Variants in CTNNA2 observed in about 807,000 individuals in gnomAD.
The protein encoded by CTNNA2 is catenin alpha-2.
A neutral mutation model predicts 101.0 loss-of-function variants in CTNNA2; 42 were observed. That is an observed-to-expected ratio of 0.42 (90% CI 0.32 to 0.54). CTNNA2 has a LOEUF of 0.54. Among genes scored for constraint, CTNNA2 ranks in the 20% least tolerant of loss-of-function variants. CTNNA2 has a pLI of 0.14. For synonymous variants in CTNNA2, 450 were observed against 456.4 expected, an observed-to-expected ratio of 0.99 and a Z score of 0.18; for missense variants, 871 against 1,223.1, an observed-to-expected ratio of 0.71 and a Z score of 4.29.
intron 3 of CTNNA2, among the ~76,000 whole-genome samples, chr2:79,795,720 C>G (rs1675644809): frequency 1.3e-5 from 2 of 152,010 alleles, no homozygotes; most frequent in South Asian, 2.1e-4. Flanking sequence ...GATGTGAGTG[C>G]TGCGATATTT....
chr2:79,220,294 A>C (rs1674325980), intron 2 of CTNNA2, among the ~76,000 whole-genome samples: 1 of 152,172 alleles, frequency 6.6e-6, no homozygotes, highest in Admixed American at 6.6e-5. Flanking sequence ...GTTTGGAACT[A>C]ATTAAGAGAT....
intron 3 of CTNNA2, among the ~76,000 whole-genome samples, chr2:79,373,257 T>C (rs188310478): frequency 2.0e-4 from 30 of 152,280 alleles, no homozygotes; most frequent in African/African-American, 7.0e-4. Flanking sequence ...ATATATCAGG[T>C]TGATTTATTA....
intron 4 of CTNNA2, among the ~76,000 whole-genome samples, chr2:79,398,149 G>A (rs1678252160): frequency 6.6e-6 from 1 of 152,068 alleles, no homozygotes; most frequent in South Asian, 2.1e-4. Flanking sequence ...AAAGAGGTGG[G>A]GAAGAGTAAA....
chr2:79,959,025 C>T (rs1440795256), intron 7 of CTNNA2, among the ~76,000 whole-genome samples: 3 of 151,724 alleles, frequency 2.0e-5, no homozygotes, highest in African/African-American at 4.8e-5. Context: ...CATTTGTAAC[C>T]GTATCTTACT....
chr2:79,299,201 T>C (rs1413707137), intron 2 of CTNNA2, among the ~76,000 whole-genome samples: 1 of 152,148 alleles, frequency 6.6e-6, no homozygotes, highest in East Asian at 1.9e-4. Context: ...CAGGGTGTGA[T>C]GGCCTGTCCT....
chr2:79,420,218 A>G (rs755935892), intron 4 of CTNNA2, among the ~76,000 whole-genome samples: 38 of 152,132 alleles, frequency 2.5e-4, no homozygotes, highest in Non-Finnish European at 2.9e-4. Flanking sequence ...AGCAACATCT[A>G]CTATATTTAC....
At chr2:80,271,651 T>A (rs867942647) in intron 7 of CTNNA2, among the ~76,000 whole-genome samples, 2 of 152,140 alleles carry the variant, frequency 1.3e-5, no homozygotes, top group Non-Finnish European at 2.9e-5. Context: ...CTCGATCTCC[T>A]GACCTCGTGA....
At chr2:80,009,295 G>A (rs1693599167) in intron 7 of CTNNA2, among the ~76,000 whole-genome samples, 1 of 152,174 alleles carries the variant, frequency 6.6e-6, no homozygotes, top group South Asian at 2.1e-4. Flanking sequence ...GAGAACTGCA[G>A]CCTTCTGTTT....
rs140684826 is a variant in CTNNA2, at chr2:79,314,581, A to G, written c.-318+1785A>G. On this transcript the variant is annotated intron_variant, in intron 3 of 21. Coordinates refer to the CTNNA2 transcript ENST00000466387. ...CAATGAATGGCTCCAGGTCTAGAAT[A>G]ATTTTAGGCATCTTTCCTCTCAGGG... is the stretch of plus-strand genomic sequence containing the variant. 1.1e-4 allele frequency among the ~76,000 whole-genome samples: 17 copies of G among 152,350 alleles called. 1 individual carries two copies. The East Asian group carries it at 2.9e-3, about 26-fold the overall frequency.
At chr2:79,902,221 G>T (rs996423553) in intron 6 of CTNNA2, among the ~76,000 whole-genome samples, 2 of 152,130 alleles carry the variant, frequency 1.3e-5, no homozygotes, top group African/African-American at 4.8e-5. Flanking sequence ...ATGCAGAAAG[G>T]ATACATGAGG....
chr2:79,243,402 G>A (rs1674660114), intron 2 of CTNNA2, among the ~76,000 whole-genome samples: 1 of 152,198 alleles, frequency 6.6e-6, no homozygotes, highest in African/African-American at 2.4e-5. Flanking sequence ...TGTTGTTGCA[G>A]TATTACAGAG....
chr2:80,438,901 A>G (rs758524700), intron 9 of CTNNA2, among the ~76,000 whole-genome samples: 1 of 152,216 alleles, frequency 6.6e-6, no homozygotes, highest in African/African-American at 2.4e-5. Flanking sequence ...TGAGTATTAC[A>G]TCGACCACTC....
At chr2:80,623,426 A>G (rs527869574) in intron 18 of CTNNA2, among the ~76,000 whole-genome samples, 4 of 152,068 alleles carry the variant, frequency 2.6e-5, no homozygotes, top group Non-Finnish European at 5.9e-5. Context: ...AGGGAGGAAT[A>G]TCTCAGAAAA....
intron 4 of CTNNA2, among the ~76,000 whole-genome samples, chr2:79,452,187 A>T (rs1670764519): frequency 6.6e-6 from 1 of 152,162 alleles, no homozygotes; most frequent in Non-Finnish European, 1.5e-5. Context: ...AAAGAAGTGA[A>T]TGCGTAGCTG....
chr2:79,914,184 A>G (rs1036689478), intron 7 of CTNNA2, among the ~76,000 whole-genome samples: 1 of 151,080 alleles, frequency 6.6e-6, no homozygotes, highest in Non-Finnish European at 1.5e-5. Flanking sequence ...AAAAAAAAAA[A>G]AAAAAGAAAG....
At chr2:79,733,433 C>T (rs748535183) in intron 2 of CTNNA2, among the ~76,000 whole-genome samples, 2 of 152,006 alleles carry the variant, frequency 1.3e-5, no homozygotes, top group Non-Finnish European at 2.9e-5. Context: ...ATTTTTAGTA[C>T]TATCTTCAAT....
intron 1 of CTNNA2, among the ~76,000 whole-genome samples, chr2:79,621,314 C>A (rs1230109775): frequency 6.6e-6 from 1 of 152,132 alleles, no homozygotes; most frequent in Non-Finnish European, 1.5e-5. Context: ...TAAAAGGAAC[C>A]AGGCTCCTCG....
At chr2:79,680,894 C>T (rs1461090158) in intron 2 of CTNNA2, among the ~76,000 whole-genome samples, 1 of 152,098 alleles carries the variant, frequency 6.6e-6, no homozygotes, top group East Asian at 1.9e-4. Context: ...TGAATGACTG[C>T]TGCAGTGTGG....
chr2:79,446,787 T>C (rs1678837731), intron 4 of CTNNA2, among the ~76,000 whole-genome samples: 1 of 152,060 alleles, frequency 6.6e-6, no homozygotes. Context: ...AAAGTGAACT[T>C]AGAATTTTGA....
Sources: allele counts gnomAD v4.1 joint callset (sites outside exome capture counted in the v4.1 genomes callset), GRCh38; gene constraint gnomAD v4.1.1; transcripts MANE v1.5; gene names NCBI Gene and HGNC (gene_info 2026-07-23, HGNC 2026-07-21).